ELP1: variants seen among roughly 807,000 people sequenced by gnomAD.
ELP1 encodes the protein elongator complex protein 1.
ELP1 carries 131 observed loss-of-function variants against 183.2 expected under a neutral mutation model. That is an observed-to-expected ratio of 0.72 (90% CI 0.62 to 0.83). The LOEUF is 0.83. ELP1 is among the 40% of genes least tolerant of loss of function. The probability of loss-of-function intolerance (pLI) is 0.00; values close to 1 mark genes in which losing one functional copy is unlikely to be tolerated. For missense variants in ELP1, 1,550 were observed against 1,594.9 expected, an observed-to-expected ratio of 0.97 and a Z score of 0.48; for synonymous variants, 555 against 569.0, an observed-to-expected ratio of 0.98 and a Z score of 0.35.
Position 108,869,146 on chromosome 9 carries a change from C to G in ELP1, c.3968G>C (p.Arg1323Thr). ...ELFIPPKINR[R>T]TQWKLSLLD ...TAGCAGGCTCAGCTTCCACTGGGTT[C>G]TTCTGTTGATCTTTGGTGGTATAAA... is the stretch of plus-strand genomic sequence containing the variant. The change falls in exon 37 of 37, where the codon AGA becomes ACA. Residue 1323 changes from arginine to threonine, a missense_variant. By Grantham distance (71) the Arg-to-Thr change is moderately conservative. Coordinates refer to ENST00000374647, the MANE Select transcript of ELP1 (RefSeq NM_003640.5). The G allele has an allele frequency of 1.2e-6, 2 of 1,614,150 alleles. No homozygotes were observed. The highest frequency in any genetic ancestry group is 1.7e-6 in the Non-Finnish European group (2 of 1,180,012).
At chr9:108,873,361 A>C (rs1342736822) in intron 36 of ELP1, among the ~76,000 whole-genome samples, 2 of 152,192 alleles carry the variant, frequency 1.3e-5, no homozygotes, top group Non-Finnish European at 2.9e-5. Context: ...GGGGCAGCTG[A>C]GTAATATTTG....
chr9:108,908,435 G>A (rs768811885), intron 12 of ELP1, 31 bp from the exon 13 acceptor site: 6 of 1,505,960 alleles, frequency 4.0e-6, no homozygotes, highest in African/African-American at 2.8e-5. Flanking sequence ...TATTATCATC[G>A]TAAATTATAA....
chr9:108,888,670 T>A (rs1290979993), intron 29 of ELP1, among the ~76,000 whole-genome samples: 11 of 152,196 alleles, frequency 7.2e-5, no homozygotes, highest in Non-Finnish European at 7.3e-5. Flanking sequence ...CTTACTGTTA[T>A]TACACAAGAG....
chr9:108,899,937 A>G (rs756962132), intron 19 of ELP1, 42 bp from the exon 20 acceptor site: 3 of 1,512,462 alleles, frequency 2.0e-6, no homozygotes, highest in Non-Finnish European at 2.8e-6. Flanking sequence ...TTAAGTAGAA[A>G]ACATTTAAAT....
chr9:108,869,312 A>T (rs1224085182), intron 36 of ELP1, 130 bp from the exon 37 acceptor site: 11 of 799,880 alleles, frequency 1.4e-5, no homozygotes, highest in Non-Finnish European at 2.4e-5. Flanking sequence ...GCCAGAGTTC[A>T]TGTGTCTGCT....
At chr9:108,890,723 A>C (rs10739271) in intron 28 of ELP1, among the ~76,000 whole-genome samples, 60,639 of 152,096 alleles carry the variant, frequency 0.4, 14,098 homozygotes, top group African/African-American at 0.65. Context: ...ACTGTCTATA[A>C]CAGAATGGAC....
intron 19 of ELP1, 70 bp downstream of exon 19, chr9:108,900,190 G>T: frequency 9.1e-7 from 1 of 1,100,102 alleles, no homozygotes; most frequent in South Asian, 1.3e-5. Flanking sequence ...AATACAACCT[G>T]CAAGAATTAT....
intron 7 of ELP1, 118 bp from the exon 8 acceptor site, chr9:108,919,019 C>T: frequency 1.2e-6 from 1 of 840,704 alleles, no homozygotes; most frequent in Non-Finnish European, 2.0e-6. Flanking sequence ...TTTTACATAG[C>T]CAATTAGATT....
At chr9:108,905,314 T>C (rs1828978531) in intron 14 of ELP1, among the ~76,000 whole-genome samples, 1 of 152,176 alleles carries the variant, frequency 6.6e-6, no homozygotes, top group Non-Finnish European at 1.5e-5. Context: ...TTAGTGTCAG[T>C]GGACAAAGGT....
chr9:108,907,672 G>A (rs1377064937), intron 13 of ELP1, among the ~76,000 whole-genome samples: 1 of 152,070 alleles, frequency 6.6e-6, no homozygotes, highest in Non-Finnish European at 1.5e-5. Flanking sequence ...CCATGACCTT[G>A]GGTAAGTTAC....
chr9:108,913,782 G>T lies in ELP1; in HGVS notation c.959-1288C>A, dbSNP rs151006870. Among the ~76,000 whole-genome samples the T allele has an allele frequency of 2.1e-3, 317 of 152,234 alleles. 1 individual carries two copies. Among genetic ancestry groups the T allele is most frequent in the African/African-American group, 7.5e-3 (310 of 41,534 alleles). On this transcript the variant is annotated intron_variant, in intron 10 of 36. Coordinates refer to ENST00000374647, the MANE Select transcript of ELP1 (RefSeq NM_003640.5). The stretch of plus-strand genomic sequence containing the variant: ...TTGTCTCAGCCTCCCGAGTAGCTAG[G>T]ACTACAGGCGCGCACCACCACGCCG...
intron 10 of ELP1, among the ~76,000 whole-genome samples, chr9:108,913,702 C>G (rs1829319752): frequency 6.6e-6 from 1 of 152,058 alleles, no homozygotes; most frequent in Non-Finnish European, 1.5e-5. Flanking sequence ...TGCTGGAGTG[C>G]AGTGGCTCAA....
chr9:108,883,037 A>G (rs902034840), intron 29 of ELP1, among the ~76,000 whole-genome samples: 3 of 152,200 alleles, frequency 2.0e-5, no homozygotes, highest in Non-Finnish European at 2.9e-5. Flanking sequence ...TTGATACACA[A>G]AAGTTCTTAA....
chr9:108,887,414 T>C (rs1828166019), intron 29 of ELP1, among the ~76,000 whole-genome samples: 1 of 152,122 alleles, frequency 6.6e-6, no homozygotes, highest in Admixed American at 6.6e-5. Flanking sequence ...ACTATATTTA[T>C]AGAAACCATG....
In ELP1 at chr9:108,921,587, A is replaced by G. The variant is rs1401894277; in HGVS notation, c.552+1255T>C. ...CAAGGATACCTTTTAAGTCCTGCCA[A>G]AAAAAAAAAAAATCACTTAAAAATC... On this transcript the variant is annotated intron_variant, in intron 6 of 36. Coordinates refer to ENST00000374647, the MANE Select transcript of ELP1 (RefSeq NM_003640.5). Among the ~76,000 whole-genome samples the G allele has an allele frequency of 3.3e-5, 3 of 91,760 alleles. No homozygotes were observed. The East Asian group carries it at 1.2e-3, about 37-fold the overall frequency. 60.2% of individuals were successfully genotyped at this position (91,760 alleles called of 152,430 possible).
chr9:108,908,526 T>A, intron 12 of ELP1, 122 bp from the exon 13 acceptor site: 1 of 741,654 alleles, frequency 1.3e-6, no homozygotes. Flanking sequence ...AATAATCACA[T>A]CTCAACCTCC....
intron 27 of ELP1, among the ~76,000 whole-genome samples, chr9:108,892,731 C>T (rs1025591299): frequency 1.3e-5 from 2 of 152,098 alleles, no homozygotes; most frequent in African/African-American, 2.4e-5. Context: ...ATCAGACTTA[C>T]AGCAGTAAGG....
At chr9:108,911,606 A>T (rs1437037341) in intron 11 of ELP1, among the ~76,000 whole-genome samples, 1 of 152,222 alleles carries the variant, frequency 6.6e-6, no homozygotes, top group Non-Finnish European at 1.5e-5. Context: ...ATGACTATAA[A>T]ATCAGTATTA....
At position 108,919,300 on chromosome 9, in the gene ELP1, C is replaced by G. The variant is rs367552387; in HGVS notation, c.602G>C (p.Arg201Pro). 19 of 1,613,816 alleles carry G rather than the reference C, an allele frequency of 1.2e-5. No individual in the cohort carries two copies. The highest frequency in any genetic ancestry group is 4.4e-5 in the South Asian group (4 of 91,072). Residue 201 changes from arginine (R) to proline (P), a missense_variant, in exon 7 of 37, where the codon CGG becomes CCG. By Grantham distance (103) the Arg-to-Pro change is moderately radical. Coordinates refer to ENST00000374647, the MANE Select transcript of ELP1 (RefSeq NM_003640.5). ...WDDHRPQVTW[R>P]GDGQFFAVSV... ...CACAGCAAAAAACTGTCCATCCCCCCGCCAGGTAACTTGTGGTCTATGGTC... is the reference window on the plus strand; with the variant it reads ...CACAGCAAAAAACTGTCCATCCCCCGGCCAGGTAACTTGTGGTCTATGGTC...
Sources: gnomAD v4.1 joint callset for allele counts (sites outside exome capture counted in the v4.1 genomes callset) on GRCh38, gnomAD v4.1.1 for gene constraint, MANE v1.5 for transcripts, NCBI Gene and HGNC (gene_info 2026-07-23, HGNC 2026-07-21) for gene names.